NELL1: variants seen among roughly 807,000 people sequenced by gnomAD.
The protein encoded by NELL1 is neural EGFL like 1.
Under a neutral mutation model 107.4 loss-of-function variants are expected in NELL1, and 76 were observed. The observed-to-expected ratio is 0.71, with a 90% CI of 0.59 to 0.86. NELL1 has a LOEUF of 0.86. Ranked by LOEUF, NELL1 falls within the 40% of genes least tolerant of loss-of-function variation. The pLI is 0.00. For missense variants in NELL1, 1,024 were observed against 1,005.5 expected (o/e 1.02, Z -0.25); for synonymous variants, 353 against 341.2 (o/e 1.03, Z -0.38).
At chr11:21,358,565 ATT>A (rs75578174) in intron 14 of NELL1, among the ~76,000 whole-genome samples, 3,849 of 97,710 alleles carry the variant, frequency 0.039, 97 homozygotes, top group African/African-American at 0.1. Context: ...TGCCCTGATA[ATT>A]TTTTTTTTTT....
intron 2 of NELL1, among the ~76,000 whole-genome samples, chr11:20,717,780 T>C (rs569062096): frequency 5.2e-4 from 79 of 152,356 alleles, no homozygotes; most frequent in Admixed American, 9.8e-4. Context: ...TTTGGTCTCC[T>C]TTAATTTTTG....
intron 14 of NELL1, among the ~76,000 whole-genome samples, chr11:21,287,585 T>A (rs865811591): frequency 6.6e-6 from 1 of 152,194 alleles, no homozygotes. Flanking sequence ...AACAAGACTA[T>A]AACAGAATTT....
intron 13 of NELL1, among the ~76,000 whole-genome samples, chr11:21,131,415 T>G (rs1217859347): frequency 1.3e-5 from 2 of 152,124 alleles, no homozygotes; most frequent in African/African-American, 2.4e-5. Flanking sequence ...GAGAGACTAT[T>G]TTAATCCAGA....
At chr11:21,114,085 C>T (rs1381214230) in intron 13 of NELL1, among the ~76,000 whole-genome samples, 1 of 151,814 alleles carries the variant, frequency 6.6e-6, no homozygotes, top group Non-Finnish European at 1.5e-5. Flanking sequence ...GTACTTTGTT[C>T]CCACTGGGAA....
At chr11:21,459,754 A>G (rs1853851076) in intron 15 of NELL1, among the ~76,000 whole-genome samples, 1 of 152,152 alleles carries the variant, frequency 6.6e-6, no homozygotes, top group South Asian at 2.1e-4. Context: ...CTTCATCTAG[A>G]AAATCTCTAA....
chr11:20,808,444 C>T (rs1857431442), intron 3 of NELL1, among the ~76,000 whole-genome samples: 1 of 152,208 alleles, frequency 6.6e-6, no homozygotes, highest in Non-Finnish European at 1.5e-5. Context: ...AGGAAGCAGT[C>T]TTTCTTGGAG....
At chr11:20,925,176 T>G (rs938634098) in intron 7 of NELL1, among the ~76,000 whole-genome samples, 15 of 152,188 alleles carry the variant, frequency 9.9e-5, no homozygotes, top group Admixed American at 9.8e-4. Flanking sequence ...TCCAAGAGTA[T>G]CACCAAACTC....
At chr11:21,411,706 T>C (rs1231938250) in intron 15 of NELL1, among the ~76,000 whole-genome samples, 1 of 152,008 alleles carries the variant, frequency 6.6e-6, no homozygotes, top group Admixed American at 6.6e-5. Context: ...CAAATATTAC[T>C]TTTTTTAAAA....
At chr11:20,702,757 A>G (rs1004242155) in intron 2 of NELL1, among the ~76,000 whole-genome samples, 1 of 152,192 alleles carries the variant, frequency 6.6e-6, no homozygotes, top group Non-Finnish European at 1.5e-5. Context: ...TTCTGCATCT[A>G]TTGAGAAATC....
chr11:21,057,422 G>A (rs1478502054), intron 12 of NELL1, among the ~76,000 whole-genome samples: 1 of 151,960 alleles, frequency 6.6e-6, no homozygotes, highest in South Asian at 2.1e-4. Context: ...TTAAAATGTT[G>A]CATATCCTCT....
chr11:21,460,128 G>A (rs1488208560), intron 15 of NELL1, among the ~76,000 whole-genome samples: 1 of 152,054 alleles, frequency 6.6e-6, no homozygotes, highest in Non-Finnish European at 1.5e-5. Context: ...AACATAGGTT[G>A]CAGAGAGTAT....
At chr11:20,965,252 G>T (rs892757727) in intron 12 of NELL1, among the ~76,000 whole-genome samples, 3 of 152,102 alleles carry the variant, frequency 2.0e-5, no homozygotes, top group Non-Finnish European at 4.4e-5. Context: ...CATGGTAAAT[G>T]GATTTCCCAA....
chr11:21,277,236 A>G (rs1262292225), intron 14 of NELL1, among the ~76,000 whole-genome samples: 1 of 152,256 alleles, frequency 6.6e-6, no homozygotes, highest in Non-Finnish European at 1.5e-5. Flanking sequence ...AAAGTGGGTG[A>G]AGGATATGAA....
chr11:21,468,321 C>T (rs914789220), intron 15 of NELL1, among the ~76,000 whole-genome samples: 2 of 151,980 alleles, frequency 1.3e-5, no homozygotes, highest in Non-Finnish European at 1.5e-5. Context: ...CTTTTAATTA[C>T]TGTTATTTTC....
At chr11:20,939,967 A>G (rs554679117) in intron 10 of NELL1, among the ~76,000 whole-genome samples, 1 of 152,280 alleles carries the variant, frequency 6.6e-6, no homozygotes, top group African/African-American at 2.4e-5. Flanking sequence ...CATGGGTTGA[A>G]TGGGCTCAGC....
intron 13 of NELL1, among the ~76,000 whole-genome samples, chr11:21,129,283 G>A (rs1855560468): frequency 6.6e-6 from 1 of 152,050 alleles, no homozygotes; most frequent in African/African-American, 2.4e-5. Flanking sequence ...TGGAACCCTC[G>A]TGCACTGTTG....
At chr11:21,160,850 T>A (rs1856348945) in intron 13 of NELL1, among the ~76,000 whole-genome samples, 1 of 152,146 alleles carries the variant, frequency 6.6e-6, no homozygotes, top group South Asian at 2.1e-4. Flanking sequence ...CACCTTTTTT[T>A]ACTCCCTGCA....
chr11:20,870,998 T>C (rs1043152022), intron 4 of NELL1, among the ~76,000 whole-genome samples: 2 of 152,230 alleles, frequency 1.3e-5, no homozygotes, highest in Admixed American at 6.5e-5. Context: ...CAAGTTTGTA[T>C]TGGCACATTT....
chr11:21,539,780 G>A (rs1230645762), intron 16 of NELL1, among the ~76,000 whole-genome samples: 1 of 151,562 alleles, frequency 6.6e-6, no homozygotes, highest in African/African-American at 2.4e-5. Flanking sequence ...TACCGATAGG[G>A]TGTGGTGGGC....
Sources: gnomAD v4.1 joint callset for allele counts (sites outside exome capture counted in the v4.1 genomes callset) on GRCh38, gnomAD v4.1.1 for gene constraint, MANE v1.5 for transcripts, NCBI Gene and HGNC (gene_info 2026-07-23, HGNC 2026-07-21) for gene names.